The following PRKDC variants were observed in gnomAD, a reference collection of about 807,000 sequenced individuals.
The protein encoded by PRKDC is protein kinase, DNA-activated, catalytic subunit.
A neutral mutation model predicts 486.9 loss-of-function variants in PRKDC; 82 were observed. The observed-to-expected ratio is 0.17, with a 90% CI of 0.14 to 0.20. The LOEUF is 0.20. Among genes scored for constraint, PRKDC ranks in the 10% least tolerant of loss-of-function variants. The probability of loss-of-function intolerance (pLI) is 1.00; values close to 1 mark genes in which losing one functional copy is unlikely to be tolerated. For synonymous variants in PRKDC, 1,895 were observed against 1,837.0 expected (o/e 1.03, Z -0.81); for missense variants, 4,504 against 5,038.2 (o/e 0.89, Z 3.21).
At chr8:47,935,298 G>A (rs1420997043) in intron 13 of PRKDC, among the ~76,000 whole-genome samples, 1 of 151,984 alleles carries the variant, frequency 6.6e-6, no homozygotes. Context: ...TCAGGAGTTC[G>A]AGACCAGCCT....
intron 12 of PRKDC, among the ~76,000 whole-genome samples, 175 bp downstream of exon 12, chr8:47,936,178 C>A (rs565200907): frequency 1.3e-5 from 2 of 152,068 alleles, no homozygotes; most frequent in South Asian, 2.1e-4. Flanking sequence ...TTTTCCTGTT[C>A]TGGATAACAA....
chr8:47,818,751 G>C (rs1341473853), intron 67 of PRKDC, among the ~76,000 whole-genome samples: 1 of 152,038 alleles, frequency 6.6e-6, no homozygotes, highest in Non-Finnish European at 1.5e-5. Flanking sequence ...ATAAATATCA[G>C]TTTTTATCAG....
At position 47,929,191 on chromosome 8, in the gene PRKDC, A is replaced by T. The variant is rs1379141692; in HGVS notation, c.2053-13T>A. 8.5e-6 allele frequency: 13 copies of T among 1,522,412 alleles called. No homozygotes were observed. The highest frequency in any genetic ancestry group is 1.1e-5 in the Non-Finnish European group (12 of 1,116,046). 94.3% of individuals were successfully genotyped at this position (1,522,412 alleles called of 1,614,324 possible). ...TTGGACTAACTCCCTGTCAAATAAAACAGCAAGTTAGTACACTGAACAAGA... is the reference window on the plus strand; with the variant it reads ...TTGGACTAACTCCCTGTCAAATAAATCAGCAAGTTAGTACACTGAACAAGA... On this transcript the variant is annotated splice_polypyrimidine_tract_variant and intron_variant, in intron 18 of 85. Transcript: ENST00000314191.
At chr8:47,868,015 C>A (rs1239600372) in intron 40 of PRKDC, among the ~76,000 whole-genome samples, 1 of 152,134 alleles carries the variant, frequency 6.6e-6, no homozygotes, top group Non-Finnish European at 1.5e-5. Context: ...AGAAAAGCAA[C>A]CTTTCATTCT....
intron 45 of PRKDC, 32 bp from the exon 46 acceptor site, chr8:47,859,791 A>G (rs760440773): frequency 9.6e-6 from 15 of 1,556,262 alleles, no homozygotes; most frequent in Non-Finnish European, 1.1e-5. Flanking sequence ...AATTACATGT[A>G]TTCAAACATA....
At chr8:47,833,942 G>A (rs376627805) in intron 59 of PRKDC, among the ~76,000 whole-genome samples, 1 of 152,236 alleles carries the variant, frequency 6.6e-6, no homozygotes, top group African/African-American at 2.4e-5. Flanking sequence ...CTTTATAAAT[G>A]CCTCACCCAC....
intron 40 of PRKDC, among the ~76,000 whole-genome samples, chr8:47,872,803 C>T (rs2088987282): frequency 6.6e-6 from 1 of 152,138 alleles, no homozygotes; most frequent in African/African-American, 2.4e-5. Context: ...AATATTAGAG[C>T]TAAAGGGGTG....
At chr8:47,881,340 A>G in intron 38 of PRKDC, 76 bp downstream of exon 38, 1 of 933,750 alleles carries the variant, frequency 1.1e-6, no homozygotes, top group Non-Finnish European at 1.6e-6. Flanking sequence ...ATAATAAAAA[A>G]TAAAAAACAT....
intron 34 of PRKDC, 141 bp downstream of exon 34, chr8:47,888,377 T>C (rs946889902): frequency 3.2e-6 from 2 of 617,158 alleles, no homozygotes; most frequent in African/African-American, 1.9e-5. Context: ...ACATAATATC[T>C]ACATGTCTTG....
chr8:47,881,752 G>A (rs1337658292), intron 37 of PRKDC, among the ~76,000 whole-genome samples, 160 bp downstream of exon 37: 1 of 152,122 alleles, frequency 6.6e-6, no homozygotes, highest in Non-Finnish European at 1.5e-5. Flanking sequence ...ATAAATAATG[G>A]AAAAAGTTTA....
At chr8:47,904,022 A>C (rs2089729287) in intron 26 of PRKDC, among the ~76,000 whole-genome samples, 1 of 152,192 alleles carries the variant, frequency 6.6e-6, no homozygotes, top group Non-Finnish European at 1.5e-5. Context: ...AGGGCTGTGC[A>C]GGAGACATAA....
Position 47,943,235 on chromosome 8 carries a change from A to C in PRKDC, c.940T>G (p.Ser314Ala), listed in dbSNP as rs777107370. Reference protein sequence around the residue: ...TNVELKKAALSALESFLKQVS... With the variant: ...TNVELKKAALAALESFLKQVS... ...TGTTTCAGAAAGGATTCCAGGGCTG[A>C]AAGTGCAGCTTTTTTCAATTCTACA... Residue 314 changes from serine (S) to alanine (A), a missense_variant, in exon 10 of 86, where the codon TCA becomes GCA. Ser to Ala is a moderately conservative substitution (Grantham distance 99, BLOSUM62 1). Around this residue, in one of 6 missense-constraint regions of PRKDC, gnomAD observed 1,969 missense variants for 2,068.9 expected, o/e 0.95. Transcript: ENST00000314191. The C allele has an allele frequency of 6.2e-7, 1 of 1,613,416 alleles. No homozygotes were observed. The highest frequency in any genetic ancestry group is 2.2e-5 in the East Asian group (1 of 44,884).
At chr8:47,920,816 A>G (rs2090058543) in intron 21 of PRKDC, among the ~76,000 whole-genome samples, 1 of 152,234 alleles carries the variant, frequency 6.6e-6, no homozygotes, top group Non-Finnish European at 1.5e-5. Flanking sequence ...TGTAATATAC[A>G]TAACATGAAA....
Position 47,799,401 on chromosome 8 carries a change from CA to C in PRKDC, c.10117-12del. The C allele has an allele frequency of 6.5e-7, 1 of 1,530,812 alleles. No homozygotes were observed. Among genetic ancestry groups the C allele is most frequent in the Non-Finnish European group, 8.7e-7 (1 of 1,144,508 alleles). 94.8% of individuals were successfully genotyped at this position (1,530,812 alleles called of 1,614,324 possible). On this transcript the variant is annotated splice_polypyrimidine_tract_variant and intron_variant, in intron 71 of 85. Coordinates refer to ENST00000314191, the MANE Select transcript of PRKDC (RefSeq NM_006904.7). ...CAGACCCGCGATCACCTGGAATTCACAGAGACCTAAACCCATGAGCATGACT... is the reference window on the plus strand; with the variant it reads ...CAGACCCGCGATCACCTGGAATTCACGAGACCTAAACCCATGAGCATGACT...
intron 48 of PRKDC, among the ~76,000 whole-genome samples, chr8:47,858,013 G>C (rs1319830426): frequency 1.3e-5 from 2 of 152,144 alleles, no homozygotes; most frequent in African/African-American, 4.8e-5. Context: ...GGGACCACCC[G>C]TGCTATGCTA....
At chr8:47,792,388 AGCT>A (rs1367993208) in intron 74 of PRKDC, among the ~76,000 whole-genome samples, 1 of 151,178 alleles carries the variant, frequency 6.6e-6, no homozygotes, top group Non-Finnish European at 1.5e-5. Flanking sequence ...CCTCCCAAGT[AGCT>A]GGGACTATAG....
intron 34 of PRKDC, among the ~76,000 whole-genome samples, chr8:47,888,147 G>A (rs2089376788): frequency 6.6e-6 from 1 of 152,122 alleles, no homozygotes. Context: ...CAAAGTGCTG[G>A]GATTACAAGT....
chr8:47,788,493 C>G (rs1456389515), intron 76 of PRKDC, among the ~76,000 whole-genome samples: 3 of 152,216 alleles, frequency 2.0e-5, no homozygotes, highest in Admixed American at 6.5e-5. Flanking sequence ...GGGACTGGAT[C>G]TGTCTTCTCC....
Position 47,821,805 on chromosome 8 carries a change from A to C in PRKDC, c.8923-13T>G, listed in dbSNP as rs1455366931. On this transcript the variant is annotated splice_polypyrimidine_tract_variant and intron_variant, in intron 64 of 85. Coordinates refer to ENST00000314191, the MANE Select transcript of PRKDC (RefSeq NM_006904.7). The stretch of plus-strand genomic sequence containing the variant: ...GTTTATTGAGAGCCTAGTGGAGAAA[A>C]GTTAATAAAATTATTTTACAAAGTT... The C allele has an allele frequency of 6.6e-6, 10 of 1,525,100 alleles. No homozygotes were observed. The highest frequency in any genetic ancestry group is 8.7e-6 in the Non-Finnish European group (10 of 1,143,710). The allele number at this position is 1,525,100 out of a possible 1,614,324, so 94.5% of individuals were successfully genotyped here. A position where few individuals can be genotyped will look rare whatever the true frequency, so the allele number is the denominator to read the frequency against.
Sources: gnomAD v4.1 joint callset for allele counts (sites outside exome capture counted in the v4.1 genomes callset) on GRCh38, gnomAD v4.1.1 for gene constraint, gnomAD v4.1.1 regional missense constraint, MANE v1.5 for transcripts, NCBI Gene and HGNC (gene_info 2026-07-23, HGNC 2026-07-21) for gene names.